The following GRAMD1C variants were observed in gnomAD, a reference collection of about 807,000 sequenced individuals.
GRAMD1C encodes the protein protein Aster-C.
A neutral mutation model predicts 97.8 loss-of-function variants in GRAMD1C; 89 were observed. That is an observed-to-expected ratio of 0.91 (90% CI 0.77 to 1.09). The LOEUF (loss-of-function observed/expected upper bound fraction) is 1.09. Ranked by LOEUF, GRAMD1C falls within the 50% of genes least tolerant of loss-of-function variation. The pLI is 0.00. For synonymous variants in GRAMD1C, 256 were observed against 267.0 expected (o/e 0.96, Z 0.40); for missense variants, 740 against 766.4 (o/e 0.97, Z 0.41).
chr3:113,850,956 C>G (rs1933874919), intron 2 of GRAMD1C, among the ~76,000 whole-genome samples: 1 of 151,942 alleles, frequency 6.6e-6, no homozygotes, highest in Non-Finnish European at 1.5e-5. Flanking sequence ...GCGCGTGCCA[C>G]CACGCCCGGC....
Position 113,933,566 on chromosome 3 carries a change from T to C in GRAMD1C, c.1265T>C (p.Leu422Pro). Residue 422 changes from leucine to proline, a missense_variant, in exon 12 of 18, where the codon CTG (leucine) becomes CCG (proline). Leu to Pro is a moderately conservative substitution (Grantham distance 98, BLOSUM62 -3). Transcript: ENST00000358160. The stretch of plus-strand genomic sequence containing the variant: ...TTTTATTTGGTAGATTCAGAAGTAC[T>C]GACACATGATGTCCCCTACCATGAT... ...ARFYLVDSEVLTHDVPYHDYF... is the reference protein window; with the variant it reads ...ARFYLVDSEVPTHDVPYHDYF... 3 of 1,601,492 alleles carry C rather than the reference T, an allele frequency of 1.9e-6. No individual in the cohort carries two copies. Among genetic ancestry groups the C allele is most frequent in the Non-Finnish European group, 2.6e-6 (3 of 1,168,454 alleles).
intron 6 of GRAMD1C, among the ~76,000 whole-genome samples, chr3:113,887,502 C>T (rs1935552059): frequency 6.6e-6 from 1 of 151,650 alleles, no homozygotes; most frequent in Non-Finnish European, 1.5e-5. Context: ...AGATCGAGAC[C>T]ATCCTGGCTA....
rs998199617 is a variant in GRAMD1C, at chr3:113,901,038, C to T, written c.548C>T (p.Thr183Ile). Residue 183 changes from threonine (T) to isoleucine (I), a missense_variant, in exon 7 of 18, where the codon ACT becomes ATT. Coordinates refer to ENST00000358160, the MANE Select transcript of GRAMD1C (RefSeq NM_017577.5). ...WQNVLLDKSL[T>I]RQEFWQLLQQ... ...ATTTTTCTGTCACTTTAGAGCCTGA[C>T]TAGACAGGAATTCTGGCAACTGCTC... 2 of 1,550,352 alleles carry T rather than the reference C, an allele frequency of 1.3e-6. No individual in the cohort carries two copies. Among genetic ancestry groups the T allele is most frequent in the African/African-American group, 2.7e-5 (2 of 73,750 alleles).
At chr3:113,917,668 T>G (rs1212776069) in intron 10 of GRAMD1C, among the ~76,000 whole-genome samples, 1 of 151,400 alleles carries the variant, frequency 6.6e-6, no homozygotes, top group Non-Finnish European at 1.5e-5. Flanking sequence ...TTAGATATTA[T>G]TCCTTTATTT....
chr3:113,861,660 A>G (rs1195818990), intron 2 of GRAMD1C, among the ~76,000 whole-genome samples: 1 of 152,240 alleles, frequency 6.6e-6, no homozygotes, highest in East Asian at 1.9e-4. Flanking sequence ...TAGCTCAATA[A>G]TAAAAAGACA....
intron 5 of GRAMD1C, among the ~76,000 whole-genome samples, chr3:113,879,120 G>A (rs1325223591): frequency 5.3e-5 from 8 of 151,904 alleles, no homozygotes; most frequent in Admixed American, 4.6e-4. Context: ...CAAAAGAATC[G>A]CTTGAACCCG....
At chr3:113,850,060 G>A (rs1190032628) in intron 2 of GRAMD1C, among the ~76,000 whole-genome samples, 1 of 151,908 alleles carries the variant, frequency 6.6e-6, no homozygotes, top group Non-Finnish European at 1.5e-5. Flanking sequence ...CGGCTGGCCG[G>A]ACGGGGGGCT....
intron 2 of GRAMD1C, chr3:113,850,129 T>A (rs1577123579): frequency 2.6e-6 from 1 of 391,986 alleles, no homozygotes; most frequent in East Asian, 7.1e-5. Flanking sequence ...TATTCTTTTG[T>A]GCTTTGATAA....
At chr3:113,845,427 C>G (rs1933565020) in intron 2 of GRAMD1C, among the ~76,000 whole-genome samples, 1 of 152,144 alleles carries the variant, frequency 6.6e-6, no homozygotes, top group Non-Finnish European at 1.5e-5. Flanking sequence ...CACGATAGCT[C>G]ACGCCTGTAA....
intron 14 of GRAMD1C, 74 bp downstream of exon 14, chr3:113,936,516 G>C: frequency 1.1e-6 from 1 of 905,850 alleles, no homozygotes; most frequent in Non-Finnish European, 1.7e-6. Flanking sequence ...CCTCTTGTTT[G>C]TAAGAATATG....
At chr3:113,929,411 T>C (rs1169833728) in intron 10 of GRAMD1C, among the ~76,000 whole-genome samples, 1 of 152,224 alleles carries the variant, frequency 6.6e-6, no homozygotes, top group Non-Finnish European at 1.5e-5. Context: ...ATTGGTAACA[T>C]TGCTGAAACT....
intron 10 of GRAMD1C, among the ~76,000 whole-genome samples, chr3:113,918,954 C>T (rs12635103): frequency 0.15 from 22,075 of 152,220 alleles, 1,935 homozygotes; most frequent in South Asian, 0.22. Flanking sequence ...CGTCAGCCTC[C>T]CAAAGTGCTG....
intron 15 of GRAMD1C, 87 bp downstream of exon 15, chr3:113,938,230 T>C: frequency 1.6e-6 from 1 of 624,510 alleles, no homozygotes; most frequent in Non-Finnish European, 2.6e-6. Context: ...TATTTGTATA[T>C]TATTGTGTAG....
chr3:113,923,469 T>C (rs1228184559), intron 10 of GRAMD1C, among the ~76,000 whole-genome samples: 2 of 152,220 alleles, frequency 1.3e-5, no homozygotes, highest in Non-Finnish European at 2.9e-5. Flanking sequence ...TGAGGGTTTT[T>C]AACATGAACA....
At chr3:113,922,396 T>TTTA (rs1937092276) in intron 10 of GRAMD1C, among the ~76,000 whole-genome samples, 2 of 152,182 alleles carry the variant, frequency 1.3e-5, no homozygotes, top group African/African-American at 4.8e-5. Context: ...CTTCAAGGGT[T>TTTA]TTATAGTTTT....
At chr3:113,900,570 G>C (rs1030941059) in intron 6 of GRAMD1C, among the ~76,000 whole-genome samples, 9 of 149,178 alleles carry the variant, frequency 6.0e-5, no homozygotes, top group African/African-American at 2.0e-4. Context: ...ATAGGTGTGC[G>C]CCACCATGCC....
At chr3:113,829,113 C>T (rs566668435) in intron 1 of GRAMD1C, among the ~76,000 whole-genome samples, 1 of 152,134 alleles carries the variant, frequency 6.6e-6, no homozygotes, top group African/African-American at 2.4e-5. Context: ...TGTGACTTAG[C>T]GTACTTGCCT....
At chr3:113,834,935 G>A (rs1228751014), upstream of GRAMD1C, among the ~76,000 whole-genome samples, 41 of 42,980 alleles carry the variant, frequency 9.5e-4, no homozygotes, top group African/African-American at 2.7e-3. Flanking sequence ...GTGAAACTCC[G>A]TCTCAAAAAA....
intron 6 of GRAMD1C, among the ~76,000 whole-genome samples, chr3:113,890,257 T>C (rs1452244319): frequency 6.6e-6 from 1 of 152,130 alleles, no homozygotes. Flanking sequence ...GGAGTAGAAG[T>C]GACTAGCTTG....
Sources: allele counts gnomAD v4.1 joint callset (sites outside exome capture counted in the v4.1 genomes callset), GRCh38; gene constraint gnomAD v4.1.1; transcripts MANE v1.5; gene names NCBI Gene and HGNC (gene_info 2026-07-23, HGNC 2026-07-21).